MIPEP: variants seen among roughly 807,000 people sequenced by gnomAD.
The protein encoded by MIPEP is mitochondrial intermediate peptidase.
MIPEP carries 79 observed loss-of-function variants against 90.3 expected under a neutral mutation model. That is an observed-to-expected ratio of 0.87 (90% CI 0.73 to 1.05). The LOEUF (loss-of-function observed/expected upper bound fraction) is 1.05, where lower values mean the gene tolerates loss of function less well. Among genes scored for constraint, MIPEP ranks in the 50% least tolerant of loss-of-function variants. The pLI is 0.00. For missense variants in MIPEP, 940 were observed against 905.6 expected (o/e 1.04, Z -0.49); for synonymous variants, 334 against 315.8 (o/e 1.06, Z -0.61).
chr13:23,757,220 T>C (rs1446930312), intron 17 of MIPEP, among the ~76,000 whole-genome samples: 1 of 151,804 alleles, frequency 6.6e-6, no homozygotes, highest in Non-Finnish European at 1.5e-5. Flanking sequence ...CCTAGATCCT[T>C]GTGAGAGGAT....
intron 16 of MIPEP, among the ~76,000 whole-genome samples, chr13:23,782,779 C>T (rs1021996372): frequency 2.0e-5 from 3 of 152,136 alleles, no homozygotes; most frequent in African/African-American, 4.8e-5. Context: ...GGGATATCTC[C>T]ACCAATCCCA....
intron 14 of MIPEP, among the ~76,000 whole-genome samples, chr13:23,819,419 G>A (rs975204386): frequency 2.0e-4 from 30 of 152,056 alleles, no homozygotes; most frequent in African/African-American, 7.2e-4. Flanking sequence ...CTGTTTCCTT[G>A]TTCCCACCTT....
At chr13:23,760,007 C>T (rs1952522978) in intron 17 of MIPEP, 89 bp downstream of exon 17, 2 of 1,531,042 alleles carry the variant, frequency 1.3e-6, no homozygotes, top group Non-Finnish European at 1.8e-6. Flanking sequence ...GTTATGTGGG[C>T]TGCAGTTCTC....
intron 16 of MIPEP, among the ~76,000 whole-genome samples, chr13:23,765,420 T>C (rs954625932): frequency 5.9e-5 from 9 of 152,224 alleles, no homozygotes; most frequent in African/African-American, 2.2e-4. Flanking sequence ...TCCTATCTTA[T>C]TGCTGTTAAT....
intron 18 of MIPEP, among the ~76,000 whole-genome samples, chr13:23,748,303 G>A (rs372119643): frequency 2.0e-5 from 3 of 148,608 alleles, no homozygotes; most frequent in Admixed American, 1.3e-4. Flanking sequence ...ATTGAATGCC[G>A]ATGGGCTGAG....
chr13:23,839,655 TG>T lies in MIPEP; in HGVS notation c.1331del (p.Pro444HisfsTer14). 1 of 1,611,806 alleles carries T rather than the reference TG, an allele frequency of 6.2e-7. No individual in the cohort carries two copies. The highest frequency in any genetic ancestry group is 1.1e-5 in the South Asian group (1 of 90,602). The part of the protein sequence containing the change: ...YCDFFQRADK[P>X]HQDCHFTIRG... ...TTTATAAAGAAAGGATCACCTGATG[TG>T]GTTTGTCTGCTCGCTGAAAAAAATC... On this transcript the variant is annotated frameshift_variant, in exon 12 of 19. Transcript: ENST00000382172. LOFTEE classifies it high-confidence loss of function.
At chr13:23,876,446 G>A (rs1871077503) in intron 4 of MIPEP, among the ~76,000 whole-genome samples, 1 of 152,154 alleles carries the variant, frequency 6.6e-6, no homozygotes, top group Non-Finnish European at 1.5e-5. Context: ...CCATTCTAGA[G>A]ATGCAGTTCC....
chr13:23,862,250 T>C, intron 9 of MIPEP, 52 bp downstream of exon 9: 4 of 1,091,448 alleles, frequency 3.7e-6, no homozygotes, highest in Non-Finnish European at 5.4e-6. Context: ...AAGATATTGA[T>C]TTCAGTTGAC....
At chr13:23,851,739 C>T (rs181686411) in intron 10 of MIPEP, among the ~76,000 whole-genome samples, 3 of 151,454 alleles carry the variant, frequency 2.0e-5, no homozygotes, top group Non-Finnish European at 4.4e-5. Context: ...CTGTTGCCCA[C>T]GCTGGAGTAC....
intron 4 of MIPEP, among the ~76,000 whole-genome samples, chr13:23,876,570 T>C (rs947554294): frequency 6.6e-6 from 1 of 150,752 alleles, no homozygotes; most frequent in South Asian, 2.1e-4. Flanking sequence ...ACAGAATCTT[T>C]TGCCCATTTT....
Position 23,836,057 on chromosome 13 carries a change from G to T in MIPEP, c.1653+183C>A, listed in dbSNP as rs190836850. 2.0e-3 allele frequency among the ~76,000 whole-genome samples: 305 copies of T among 152,190 alleles called. 1 individual carries two copies. Among genetic ancestry groups the T allele is most frequent in the Non-Finnish European group, 3.5e-3 (237 of 68,004 alleles). On this transcript the variant is annotated intron_variant, in intron 14 of 18. Coordinates refer to ENST00000382172, the MANE Select transcript of MIPEP (RefSeq NM_005932.4). ...TTTTTCAACACATGACTATATGCTA[G>T]GACTATGATTTAATAGACTGGCAAA...
chr13:23,807,252 A>C (rs1953121425), intron 15 of MIPEP, among the ~76,000 whole-genome samples: 1 of 152,238 alleles, frequency 6.6e-6, no homozygotes, highest in Non-Finnish European at 1.5e-5. Flanking sequence ...GCATTTTTTC[A>C]CTGCAACATC....
chr13:23,822,808 T>TC lies in MIPEP; in HGVS notation c.1654-12885_1654-12884insG, dbSNP rs1953323070. 2.0e-5 allele frequency among the ~76,000 whole-genome samples: 3 copies of TC among 152,276 alleles called. No individual in the cohort carries two copies. In the South Asian group the frequency reaches 6.2e-4, roughly 32 times the overall value. On this transcript the variant is annotated intron_variant, in intron 14 of 18. Transcript: ENST00000382172. ...CTCAGAATTGCAACTTTTTTTTTTT[T>TC]TCCTAAATATGGATTGTAAGAACAG...
chr13:23,754,099 A>T (rs559271781), intron 18 of MIPEP, among the ~76,000 whole-genome samples: 4 of 152,178 alleles, frequency 2.6e-5, no homozygotes, highest in Non-Finnish European at 5.9e-5. Context: ...TTACATTTTC[A>T]TAGAAGAATA....
chr13:23,834,414 C>T (rs1363076153), intron 14 of MIPEP, among the ~76,000 whole-genome samples: 1 of 152,202 alleles, frequency 6.6e-6, no homozygotes, highest in African/African-American at 2.4e-5. Flanking sequence ...CCTCCCCTCT[C>T]CTGGGCTTTG....
intron 17 of MIPEP, among the ~76,000 whole-genome samples, chr13:23,758,885 A>G (rs1164996427): frequency 6.6e-6 from 1 of 152,206 alleles, no homozygotes. Context: ...TCCAGTTTTT[A>G]ATGGTGAAGT....
chr13:23,809,792 T>C, intron 15 of MIPEP, 58 bp downstream of exon 15: 1 of 1,017,896 alleles, frequency 9.8e-7, no homozygotes, highest in Non-Finnish European at 1.5e-6. Flanking sequence ...AATGTAAAGT[T>C]ATATATTTAT....
chr13:23,792,694 T>C (rs1226683698), intron 16 of MIPEP, among the ~76,000 whole-genome samples: 1 of 152,212 alleles, frequency 6.6e-6, no homozygotes, highest in South Asian at 2.1e-4. Context: ...ATCCTTTGGG[T>C]GCTCAGATCA....
chr13:23,767,455 A>AT (rs11370717), intron 16 of MIPEP, among the ~76,000 whole-genome samples: 76,672 of 148,206 alleles, frequency 0.52, 21,036 homozygotes, highest in East Asian at 0.78. Context: ...ATCTTTGTAA[A>AT]TTTTTTTTTT....
Sources: gnomAD v4.1 joint callset for allele counts (sites outside exome capture counted in the v4.1 genomes callset) on GRCh38, gnomAD v4.1.1 for gene constraint, MANE v1.5 for transcripts, NCBI Gene and HGNC (gene_info 2026-07-23, HGNC 2026-07-21) for gene names.